TCF7L2: variants seen among roughly 807,000 people sequenced by gnomAD.
TCF7L2 encodes the protein transcription factor 7-like 2.
In TCF7L2, 23 loss-of-function variants were observed where a neutral mutation model predicts 77.9. The observed-to-expected ratio is 0.30, with a 90% confidence interval of 0.21 to 0.42. The LOEUF (loss-of-function observed/expected upper bound fraction) is 0.42. TCF7L2 is among the 10% of genes least tolerant of loss of function. The pLI is 1.00. For missense variants in TCF7L2, 654 were observed against 793.1 expected, an observed-to-expected ratio of 0.82 and a Z score of 2.11; for synonymous variants, 413 against 340.2, an observed-to-expected ratio of 1.21 and a Z score of -2.36.
At chr10:113,114,552 A>G (rs1308013481) in intron 5 of TCF7L2, among the ~76,000 whole-genome samples, 1 of 152,178 alleles carries the variant, frequency 6.6e-6, no homozygotes, top group Non-Finnish European at 1.5e-5. Flanking sequence ...TCTAATGATG[A>G]CAATCTATCA....
rs139483593 is a variant in TCF7L2 at position 113,115,005 on chromosome 10, CTG to C, written c.553-26177_553-26176del. Among the ~76,000 whole-genome samples the C allele has an allele frequency of 6.8e-3, 1,038 of 152,342 alleles. 12 individuals carry two copies. The highest frequency in any genetic ancestry group is 9.6e-3 in the Non-Finnish European group (656 of 68,038). On this transcript the variant is annotated intron_variant, in intron 5 of 13. Coordinates refer to ENST00000627217, the MANE Select transcript of TCF7L2 (RefSeq NM_001146274.2). ...AAAGCAGTTCTAATTGCAGTTAAAA[CTG>C]TATTGGCAGCAGATATGCTTGAACA...
At chr10:113,018,667 C>T (rs1266032890) in intron 4 of TCF7L2, among the ~76,000 whole-genome samples, 2 of 152,000 alleles carry the variant, frequency 1.3e-5, no homozygotes, top group Non-Finnish European at 2.9e-5. Flanking sequence ...AGGGTTTCAC[C>T]CTGTTGACCA....
intron 4 of TCF7L2, among the ~76,000 whole-genome samples, chr10:112,972,310 C>G (rs1398619189): frequency 6.6e-6 from 1 of 152,134 alleles, no homozygotes; most frequent in African/African-American, 2.4e-5. Flanking sequence ...CAGCCAGATA[C>G]TTTTGCAAAG....
chr10:112,965,673 GTGT>G (rs1236033347), intron 4 of TCF7L2, among the ~76,000 whole-genome samples: 4 of 122,294 alleles, frequency 3.3e-5, no homozygotes, highest in South Asian at 5.6e-4. Flanking sequence ...GTGTGTGTGT[GTGT>G]GGTCTTAGGT....
chr10:113,158,877 A>T (rs1592449173), intron 12 of TCF7L2, among the ~76,000 whole-genome samples, 160 bp downstream of exon 13: 3 of 146,014 alleles, frequency 2.1e-5, no homozygotes, highest in African/African-American at 2.5e-5. Context: ...TTTTTTTTTC[A>T]GTTGCTTCTG....
intron 4 of TCF7L2, among the ~76,000 whole-genome samples, chr10:112,966,672 C>A (rs991841949): frequency 4.6e-5 from 7 of 152,186 alleles, no homozygotes; most frequent in African/African-American, 1.7e-4. Flanking sequence ...CTAGCCCAGA[C>A]CAGACCAGCT....
At chr10:112,991,487 G>A (rs971905818) in intron 4 of TCF7L2, among the ~76,000 whole-genome samples, 4 of 149,938 alleles carry the variant, frequency 2.7e-5, no homozygotes, top group African/African-American at 7.4e-5. Context: ...CAGCCTGGGC[G>A]ACAGAGCGAG....
At position 113,165,544 on chromosome 10, in the gene TCF7L2, CCT is replaced by C. The variant is rs757866659; in HGVS notation, c.1392-10_1392-9del. 156 of 1,613,422 alleles carry C rather than the reference CCT, an allele frequency of 9.7e-5. No individual in the cohort carries two copies. Among genetic ancestry groups the C allele is most frequent in the Admixed American group, 2.7e-4 (16 of 59,914 alleles). ...CCTCTATTCACAGATAACTCTCTCC[CCT>C]GTTTCTAGGAGAAAAAAAAAGTGCG... is the stretch of plus-strand genomic sequence containing the variant. On this transcript the variant is annotated splice_polypyrimidine_tract_variant and intron_variant, in intron 13 of 13. Coordinates refer to ENST00000627217, the MANE Select transcript of TCF7L2 (RefSeq NM_001146274.2).
At chr10:112,969,284 T>C (rs1248429482) in intron 4 of TCF7L2, among the ~76,000 whole-genome samples, 1 of 152,210 alleles carries the variant, frequency 6.6e-6, no homozygotes, top group Non-Finnish European at 1.5e-5. Flanking sequence ...CATATGTCTG[T>C]GAGTTTCATC....
intron 3 of TCF7L2, among the ~76,000 whole-genome samples, chr10:112,952,097 T>A (rs1205850488): frequency 5.9e-5 from 9 of 151,974 alleles, no homozygotes; most frequent in Non-Finnish European, 1.3e-4. Context: ...GGGCCACGAG[T>A]GACTGACTGT....
At chr10:112,963,663 C>G (rs2035849352) in intron 3 of TCF7L2, among the ~76,000 whole-genome samples, 1 of 152,090 alleles carries the variant, frequency 6.6e-6, no homozygotes, top group African/African-American at 2.4e-5. Context: ...GTTTGTTTTC[C>G]CAATTGATGG....
At chr10:113,059,076 G>A (rs2055940269) in intron 5 of TCF7L2, among the ~76,000 whole-genome samples, 1 of 152,118 alleles carries the variant, frequency 6.6e-6, no homozygotes, top group African/African-American at 2.4e-5. Context: ...TGTGGGGAGG[G>A]GAAGCTTTAG....
At position 112,950,917 on chromosome 10, in the gene TCF7L2, C is replaced by T. The variant is rs774331057; in HGVS notation, c.161C>T (p.Thr54Met). Residue 54 changes from threonine (T) to methionine (M), a missense_variant, in exon 1 of 14, where the codon ACG (threonine) becomes ATG (methionine). Thr to Met is a moderately conservative substitution (Grantham distance 81). Transcript: ENST00000627217. ...TCGTCTCTAGTCAATGAATCAGAAA[C>T]GAATCAAAACAGCTCCTCCGATTCC... 1.2e-6 allele frequency: 2 copies of T among 1,612,024 alleles called. No individual in the cohort carries two copies. The highest frequency in any genetic ancestry group is 1.7e-6 in the Non-Finnish European group (2 of 1,179,374).
rs2063141058 is a variant in TCF7L2, at chr10:113,111,639, A to G, written c.553-29545A>G. Among the ~76,000 whole-genome samples the G allele has an allele frequency of 4.6e-5, 7 of 152,148 alleles. No homozygotes were observed. The South Asian group carries it at 1.5e-3, about 32-fold the overall frequency. On this transcript the variant is annotated intron_variant, in intron 5 of 13. Coordinates refer to ENST00000627217, the MANE Select transcript of TCF7L2 (RefSeq NM_001146274.2). Reference sequence around the variant, plus strand: ...AAACCTCATTTCTACAGAAAATGCAAAAATTAGCCAGGCGTGGTGGCATGT... The same window carrying G: ...AAACCTCATTTCTACAGAAAATGCAGAAATTAGCCAGGCGTGGTGGCATGT...
intron 5 of TCF7L2, among the ~76,000 whole-genome samples, chr10:113,090,501 T>C (rs189856933): frequency 6.6e-6 from 1 of 152,330 alleles, no homozygotes; most frequent in African/African-American, 2.4e-5. Context: ...TAAGTCATCT[T>C]TAAAAGTTTG....
chr10:112,961,096 C>T (rs956264280), intron 3 of TCF7L2, among the ~76,000 whole-genome samples: 1 of 152,106 alleles, frequency 6.6e-6, no homozygotes, highest in Non-Finnish European at 1.5e-5. Context: ...TCACCGCAAC[C>T]TCCCCCTCCC....
At chr10:112,966,565 A>G (rs1004679281) in intron 4 of TCF7L2, among the ~76,000 whole-genome samples, 1 of 151,988 alleles carries the variant, frequency 6.6e-6, no homozygotes, top group African/African-American at 2.4e-5. Context: ...GTGCTGGAAA[A>G]TCTTATTGCC....
intron 5 of TCF7L2, among the ~76,000 whole-genome samples, chr10:113,069,148 C>G (rs1210945348): frequency 6.6e-6 from 1 of 151,706 alleles, no homozygotes; most frequent in East Asian, 1.9e-4. Context: ...GGGGTACGCC[C>G]CCTTGGAAGG....
chr10:113,094,770 C>T (rs956101101), intron 5 of TCF7L2, among the ~76,000 whole-genome samples: 9 of 152,192 alleles, frequency 5.9e-5, no homozygotes, highest in Non-Finnish European at 1.0e-4. Context: ...ATGATTATCC[C>T]TCCTGTCCCT....
Sources: allele counts gnomAD v4.1 joint callset (sites outside exome capture counted in the v4.1 genomes callset), GRCh38; gene constraint gnomAD v4.1.1; transcripts MANE v1.5; gene names NCBI Gene and HGNC (gene_info 2026-07-23, HGNC 2026-07-21).